ZDHHC21: variants seen among roughly 807,000 people sequenced by gnomAD.
ZDHHC21 encodes palmitoyltransferase ZDHHC21.
ZDHHC21 carries 15 observed loss-of-function variants against 34.6 expected under a neutral mutation model. That is an observed-to-expected ratio of 0.43 (90% CI 0.29 to 0.67). The LOEUF (loss-of-function observed/expected upper bound fraction) is 0.67, where lower values mean the gene tolerates loss of function less well. ZDHHC21 is among the 30% of genes least tolerant of loss of function. ZDHHC21 has a pLI of 0.14. For synonymous variants in ZDHHC21, 142 were observed against 101.8 expected, an observed-to-expected ratio of 1.40 and a Z score of -2.38; for missense variants, 344 against 327.7, an observed-to-expected ratio of 1.05 and a Z score of -0.38.
rs1348550553 is a variant in ZDHHC21 at position 14,614,665 on chromosome 9, TAAC to T, written c.*4298_*4300del. On this transcript the variant is annotated 3_prime_UTR_variant, in exon 10 of 10. Transcript: ENST00000380916. ...AGAGGATGATTTCTAGAATAAAAGT[TAAC>T]AAACTTGGGCATTAAATAACACATT... is the stretch of plus-strand genomic sequence containing the variant. 1.3e-5 allele frequency: 2 copies of T among 151,742 alleles called. No individual in the cohort carries two copies. The highest frequency in any genetic ancestry group is 2.4e-5 in the African/African-American group (1 of 41,422). 9.4% of individuals were successfully genotyped at this position (151,742 alleles called of 1,614,324 possible). A position where few individuals can be genotyped will look rare whatever the true frequency, so the allele number is the denominator to read the frequency against.
rs1208826626 is a variant in ZDHHC21 at position 14,612,866 on chromosome 9, A to T, written c.*6100T>A. 1 of 88,054 alleles carries T rather than the reference A, an allele frequency of 1.1e-5. No homozygotes were observed. The highest frequency in any genetic ancestry group is 1.2e-4 in the Admixed American group (1 of 8,270). The allele number at this position is 88,054 out of a possible 1,614,324, so 5.5% of individuals were successfully genotyped here. On this transcript the variant is annotated 3_prime_UTR_variant, in exon 10 of 10. Transcript: ENST00000380916. ...ATTACACACACACACACACACACAC[A>T]CACACACACACACACGCTGAACTCG...
chr9:14,603,764 C>G, the ZDHHC21 span, among the ~76,000 whole-genome samples: 1 of 152,116 alleles, frequency 6.6e-6, no homozygotes, highest in Admixed American at 6.5e-5. Flanking sequence ...AATCGCTGCT[C>G]TTTATTAAGA....
chr9:14,636,507 T>C (rs1048079672), intron 8 of ZDHHC21, among the ~76,000 whole-genome samples: 5 of 152,062 alleles, frequency 3.3e-5, no homozygotes, highest in South Asian at 4.1e-4. Context: ...TCTAGTAAAA[T>C]AGTTAACAAA....
chr9:14,683,373 C>T (rs561449681), intron 2 of ZDHHC21, among the ~76,000 whole-genome samples: 143 of 152,114 alleles, frequency 9.4e-4, no homozygotes, highest in South Asian at 2.5e-3. Flanking sequence ...AGGATATCAC[C>T]ACCAATCCCA....
the ZDHHC21 span, among the ~76,000 whole-genome samples, chr9:14,596,374 G>A: frequency 6.6e-6 from 1 of 152,240 alleles, no homozygotes; most frequent in Non-Finnish European, 1.5e-5. Context: ...GTATGAAGAG[G>A]TGGGGCTCAG....
chr9:14,660,911 TTC>T (rs1193982184), intron 6 of ZDHHC21, among the ~76,000 whole-genome samples: 1 of 152,188 alleles, frequency 6.6e-6, no homozygotes. Flanking sequence ...AACTGAGCTT[TTC>T]TGTATGATCA....
the ZDHHC21 span, among the ~76,000 whole-genome samples, chr9:14,602,655 T>G: frequency 6.6e-6 from 1 of 151,800 alleles, no homozygotes; most frequent in African/African-American, 2.4e-5. Context: ...AGTAGAAAAT[T>G]TATAGGTCAG....
chr9:14,594,457 GAC>G, the ZDHHC21 span, among the ~76,000 whole-genome samples: 172 of 152,262 alleles, frequency 1.1e-3, 1 homozygote, highest in East Asian at 0.017. Flanking sequence ...AATGGGGAAA[GAC>G]AGTCTTTTCA....
At chr9:14,688,044 C>A (rs1838607043) in intron 2 of ZDHHC21, among the ~76,000 whole-genome samples, 1 of 150,882 alleles carries the variant, frequency 6.6e-6, no homozygotes. Flanking sequence ...CCATAAAAAT[C>A]AAGCTCTCAT....
At chr9:14,598,546 A>C in the ZDHHC21 span, among the ~76,000 whole-genome samples, 1 of 152,190 alleles carries the variant, frequency 6.6e-6, no homozygotes, top group African/African-American at 2.4e-5. Flanking sequence ...AACATGAAAA[A>C]GCAAGGAAAT....
At chr9:14,664,366 G>A (rs925553579) in intron 5 of ZDHHC21, among the ~76,000 whole-genome samples, 6 of 151,420 alleles carry the variant, frequency 4.0e-5, no homozygotes, top group Non-Finnish European at 5.9e-5. Context: ...CTATGCCCAC[G>A]GAGTCTCGCT....
intron 8 of ZDHHC21, among the ~76,000 whole-genome samples, chr9:14,625,517 A>G (rs756157687): frequency 6.6e-6 from 1 of 151,968 alleles, no homozygotes; most frequent in African/African-American, 2.4e-5. Flanking sequence ...CTAAAACTCT[A>G]TACCTCCATT....
At chr9:14,621,165 G>C (rs971196793) in intron 8 of ZDHHC21, among the ~76,000 whole-genome samples, 3 of 151,984 alleles carry the variant, frequency 2.0e-5, no homozygotes, top group Non-Finnish European at 2.9e-5. Flanking sequence ...AAAAAGATGA[G>C]ATAGAAGTCA....
At chr9:14,629,659 C>G (rs1826968272) in intron 8 of ZDHHC21, among the ~76,000 whole-genome samples, 1 of 152,104 alleles carries the variant, frequency 6.6e-6, no homozygotes, top group Admixed American at 6.5e-5. Context: ...TTTGAACCTT[C>G]AGGGAGATGT....
At chr9:14,641,970 G>C (rs1357689347) in intron 7 of ZDHHC21, among the ~76,000 whole-genome samples, 1 of 152,108 alleles carries the variant, frequency 6.6e-6, no homozygotes, top group Non-Finnish European at 1.5e-5. Context: ...CATTATAGCA[G>C]AGCTTACTGT....
chr9:14,652,601 A>G (rs1831420524), intron 7 of ZDHHC21, among the ~76,000 whole-genome samples: 1 of 151,994 alleles, frequency 6.6e-6, no homozygotes, highest in Non-Finnish European at 1.5e-5. Context: ...GCTCAGAAAG[A>G]GCTCTCCTGA....
At chr9:14,658,685 A>T (rs1832792959) in intron 7 of ZDHHC21, 64 bp downstream of exon 7, 1 of 1,351,884 alleles carries the variant, frequency 7.4e-7, no homozygotes, top group Admixed American at 1.8e-5. Context: ...GTTAGCCAGG[A>T]TGGTCTCGAT....
intron 3 of ZDHHC21, chr9:14,677,261 C>G (rs1836584282): frequency 6.7e-6 from 1 of 149,848 alleles, no homozygotes; most frequent in African/African-American, 2.5e-5. Flanking sequence ...AATAAAACAA[C>G]AAACAAATAA....
chr9:14,683,184 T>A (rs1837683002), intron 2 of ZDHHC21, among the ~76,000 whole-genome samples: 1 of 151,644 alleles, frequency 6.6e-6, no homozygotes, highest in Non-Finnish European at 1.5e-5. Context: ...ATAACTAAGA[T>A]CAAAGCAGAA....
Sources: gnomAD v4.1 joint callset for allele counts (sites outside exome capture counted in the v4.1 genomes callset) on GRCh38, gnomAD v4.1.1 for gene constraint, MANE v1.5 for transcripts, NCBI Gene and HGNC (gene_info 2026-07-23, HGNC 2026-07-21) for gene names.